PRKCE: variants seen among roughly 807,000 people sequenced by gnomAD.
The protein encoded by PRKCE is protein kinase C epsilon.
Under a neutral mutation model 85.4 loss-of-function variants are expected in PRKCE, and 16 were observed. The observed-to-expected ratio is 0.19, with a 90% CI of 0.13 to 0.28. PRKCE has a LOEUF of 0.28. PRKCE is among the 10% of genes least tolerant of loss of function. The pLI is 1.00. For synonymous variants in PRKCE, 388 were observed against 371.5 expected, an observed-to-expected ratio of 1.04 and a Z score of -0.51; for missense variants, 573 against 975.2, an observed-to-expected ratio of 0.59 and a Z score of 5.49.
At chr2:46,107,649 G>A (rs1296930716) in intron 11 of PRKCE, among the ~76,000 whole-genome samples, 1 of 152,174 alleles carries the variant, frequency 6.6e-6, no homozygotes, top group African/African-American at 2.4e-5. Context: ...CTTGCAAAGT[G>A]GCTGAAATCA....
chr2:45,729,991 G>A (rs1681425524), intron 1 of PRKCE, among the ~76,000 whole-genome samples: 1 of 152,172 alleles, frequency 6.6e-6, no homozygotes, highest in Non-Finnish European at 1.5e-5. Context: ...TACTTTTATA[G>A]TTCAACAACA....
chr2:46,025,499 C>A (rs1201770355), intron 10 of PRKCE, among the ~76,000 whole-genome samples: 1 of 152,138 alleles, frequency 6.6e-6, no homozygotes, highest in Non-Finnish European at 1.5e-5. Context: ...GAATGAAAAT[C>A]AGAGGAAGAG....
chr2:46,051,133 A>C (rs753408918), intron 10 of PRKCE, among the ~76,000 whole-genome samples: 110 of 152,364 alleles, frequency 7.2e-4, no homozygotes, highest in Admixed American at 3.2e-3. Flanking sequence ...AGATGACTTC[A>C]GTTCCTCCCG....
chr2:45,699,744 G>C (rs1286383251), intron 1 of PRKCE, among the ~76,000 whole-genome samples: 1 of 152,208 alleles, frequency 6.6e-6, no homozygotes, highest in African/African-American at 2.4e-5. Context: ...AGGTGGTAAA[G>C]GTATACAGTT....
At chr2:45,749,578 C>T (rs1450234123) in intron 1 of PRKCE, among the ~76,000 whole-genome samples, 1 of 152,208 alleles carries the variant, frequency 6.6e-6, no homozygotes, top group African/African-American at 2.4e-5. Context: ...GACAATCATA[C>T]AATGTGGATT....
chr2:45,946,337 T>C (rs1700241487), intron 2 of PRKCE, among the ~76,000 whole-genome samples: 1 of 152,248 alleles, frequency 6.6e-6, no homozygotes, highest in African/African-American at 2.4e-5. Flanking sequence ...CACTTGAATC[T>C]ACTTTCCATT....
chr2:45,969,660 C>T (rs938445824), intron 2 of PRKCE, among the ~76,000 whole-genome samples: 2 of 152,148 alleles, frequency 1.3e-5, no homozygotes, highest in East Asian at 1.9e-4. Context: ...ACTCCTGCAG[C>T]ATGAGGGAGC....
rs1344558376 is a variant in PRKCE, at chr2:45,651,703, G to A, written c.-398G>A. 2 of 154,512 alleles carry A rather than the reference G, an allele frequency of 1.3e-5. No homozygotes were observed. The highest frequency in any genetic ancestry group is 4.9e-5 in the African/African-American group (2 of 40,642). The allele number at this position is 154,512 out of a possible 1,614,324, so 9.6% of individuals were successfully genotyped here. A position where few individuals can be genotyped will look rare whatever the true frequency, so the allele number is the denominator to read the frequency against. ...ATTTCCCGGGATTATGTTTCGGAAA[G>A]GTAGGTAAGCGCCGGGCGCGGCGCC... On this transcript the variant is annotated 5_prime_UTR_variant, in exon 1 of 15. Coordinates refer to ENST00000306156, the MANE Select transcript of PRKCE (RefSeq NM_005400.3).
chr2:46,090,152 T>C (rs1670023644), intron 11 of PRKCE, among the ~76,000 whole-genome samples: 1 of 152,186 alleles, frequency 6.6e-6, no homozygotes, highest in Admixed American at 6.6e-5. Flanking sequence ...TGTTTTGCCA[T>C]AATAATCATA....
At chr2:46,157,409 C>T (rs1265068079) in intron 13 of PRKCE, among the ~76,000 whole-genome samples, 1 of 152,162 alleles carries the variant, frequency 6.6e-6, no homozygotes, top group Non-Finnish European at 1.5e-5. Flanking sequence ...GTCCTGTTCC[C>T]TTAGACATTC....
intron 1 of PRKCE, among the ~76,000 whole-genome samples, chr2:45,840,946 G>A (rs896427813): frequency 6.6e-6 from 1 of 152,106 alleles, no homozygotes; most frequent in African/African-American, 2.4e-5. Flanking sequence ...TTCCTTCCTG[G>A]GGACAGAGCC....
intron 10 of PRKCE, among the ~76,000 whole-genome samples, chr2:46,063,194 GT>G (rs1203859064): frequency 6.6e-6 from 1 of 152,156 alleles, no homozygotes; most frequent in African/African-American, 2.4e-5. Context: ...TGGTTATTAT[GT>G]TCCGTTGATC....
At chr2:46,026,512 A>C (rs181066620) in intron 10 of PRKCE, among the ~76,000 whole-genome samples, 147 of 152,328 alleles carry the variant, frequency 9.7e-4, no homozygotes, top group African/African-American at 3.5e-3. Context: ...AATTCTACCA[A>C]AAGTGTCACT....
intron 6 of PRKCE, among the ~76,000 whole-genome samples, chr2:45,990,570 C>G (rs1451239103): frequency 6.6e-6 from 1 of 152,156 alleles, no homozygotes; most frequent in Non-Finnish European, 1.5e-5. Flanking sequence ...CACTGGGTAG[C>G]TCTCAAGCTC....
In PRKCE at chr2:46,159,253, C is replaced by T. The variant is rs1677518256; in HGVS notation, c.1921-353C>T. On this transcript the variant is annotated intron_variant, in intron 13 of 14. Transcript: ENST00000306156. The surrounding 1 kb of genome is among the most constrained non-coding windows in gnomAD (Gnocchi z 4.1). ...GGGGGATCACAGAGTCAGTAAGAGCCAGAGTGCATAATCCCAGCTTGGTCC... is the reference window on the plus strand; with the variant it reads ...GGGGGATCACAGAGTCAGTAAGAGCTAGAGTGCATAATCCCAGCTTGGTCC... Among the ~76,000 whole-genome samples the T allele has an allele frequency of 6.6e-6, 1 of 152,182 alleles. No homozygotes were observed. The highest frequency in any genetic ancestry group is 2.1e-4 in the South Asian group (1 of 4,818).
intron 1 of PRKCE, among the ~76,000 whole-genome samples, chr2:45,758,416 C>T (rs1385637116): frequency 1.3e-5 from 2 of 152,194 alleles, no homozygotes; most frequent in Non-Finnish European, 2.9e-5. Context: ...GCAATAGGTA[C>T]AGCAGTGAGA....
chr2:46,151,088 G>A lies in PRKCE; in HGVS notation c.1779G>A (p.Leu593=), dbSNP rs1351365585. The change falls in exon 13 of 15, where the codon CTG becomes CTA. Residue 593 remains leucine (L), a synonymous_variant. Coordinates refer to ENST00000306156, the MANE Select transcript of PRKCE (RefSeq NM_005400.3). ...EYGPSVDWWA[L]GVLMYEMMAG... is the part of the protein sequence containing the mutation. The stretch of plus-strand genomic sequence containing the variant: ...GCCCCTCCGTGGACTGGTGGGCCCT[G>A]GGGGTGCTGATGTACGAGATGATGG... 6.3e-7 allele frequency: 1 copy of A among 1,599,484 alleles called. No individual in the cohort carries two copies. The highest frequency in any genetic ancestry group is 1.1e-5 in the South Asian group (1 of 91,034).
chr2:45,896,601 A>G (rs1696161027), intron 2 of PRKCE, among the ~76,000 whole-genome samples: 1 of 152,178 alleles, frequency 6.6e-6, no homozygotes, highest in African/African-American at 2.4e-5. Flanking sequence ...TACAAGACAA[A>G]AGGCAATTTT....
At chr2:45,851,418 T>C (rs1692246660) in intron 2 of PRKCE, among the ~76,000 whole-genome samples, 1 of 152,204 alleles carries the variant, frequency 6.6e-6, no homozygotes, top group South Asian at 2.1e-4. Flanking sequence ...TCATGGGGCT[T>C]ACATTCAAGT....
Sources: allele counts gnomAD v4.1 joint callset (sites outside exome capture counted in the v4.1 genomes callset), GRCh38; gene constraint gnomAD v4.1.1; non-coding constraint Gnocchi (gnomAD v3.1); transcripts MANE v1.5; gene names NCBI Gene and HGNC (gene_info 2026-07-23, HGNC 2026-07-21).